UTRN: variants seen among roughly 807,000 people sequenced by gnomAD.
UTRN encodes utrophin.
In UTRN, 283 loss-of-function variants were observed where a neutral mutation model predicts 463.9. That is an observed-to-expected ratio of 0.61 (90% CI 0.55 to 0.67). UTRN has a LOEUF of 0.67. Among genes scored for constraint, UTRN ranks in the 30% least tolerant of loss-of-function variants. The pLI is 0.00. For missense variants in UTRN, 3,922 were observed against 4,084.3 expected, an observed-to-expected ratio of 0.96 and a Z score of 1.08; for synonymous variants, 1,442 against 1,431.5, an observed-to-expected ratio of 1.01 and a Z score of -0.17.
At chr6:144,836,049 A>C (rs531367790) in intron 70 of UTRN, 111 bp downstream of exon 70, 3 of 1,497,210 alleles carry the variant, frequency 2.0e-6, no homozygotes, top group African/African-American at 2.8e-5. Flanking sequence ...ATCTCAGTGG[A>C]GTGAAAATTT....
intron 51 of UTRN, among the ~76,000 whole-genome samples, chr6:144,614,238 C>T (rs963956140): frequency 6.6e-6 from 1 of 151,846 alleles, no homozygotes. Flanking sequence ...TGGTGGTAAA[C>T]AAGAATATAA....
chr6:144,697,937 C>G (rs752963900), intron 52 of UTRN, among the ~76,000 whole-genome samples: 2 of 152,090 alleles, frequency 1.3e-5, no homozygotes, highest in African/African-American at 4.8e-5. Flanking sequence ...AAACTACAGA[C>G]GTTGAAGATG....
At chr6:144,676,920 A>G (rs1781662994) in intron 51 of UTRN, among the ~76,000 whole-genome samples, 1 of 152,198 alleles carries the variant, frequency 6.6e-6, no homozygotes, top group African/African-American at 2.4e-5. Flanking sequence ...TACCTATGTG[A>G]AAACGGGAGA....
intron 51 of UTRN, among the ~76,000 whole-genome samples, chr6:144,659,612 G>A (rs545679344): frequency 3.8e-4 from 58 of 152,236 alleles, no homozygotes; most frequent in African/African-American, 1.3e-3. Flanking sequence ...AGTGAGAACC[G>A]GTGGCCTCTT....
intron 7 of UTRN, among the ~76,000 whole-genome samples, chr6:144,428,050 A>T (rs1036711836): frequency 6.6e-6 from 1 of 152,088 alleles, no homozygotes; most frequent in Non-Finnish European, 1.5e-5. Flanking sequence ...GAAGTGGGGG[A>T]AGTGCATCCC....
At chr6:144,525,839 A>C (rs985438300) in intron 41 of UTRN, among the ~76,000 whole-genome samples, 4 of 151,980 alleles carry the variant, frequency 2.6e-5, no homozygotes, top group Non-Finnish European at 5.9e-5. Context: ...CATTCCTCTT[A>C]GTACCGCTTT....
chr6:144,766,102 T>C (rs927654378), intron 58 of UTRN, among the ~76,000 whole-genome samples: 2 of 151,814 alleles, frequency 1.3e-5, no homozygotes, highest in Non-Finnish European at 2.9e-5. Context: ...CAGGGGCTTT[T>C]CCACACAGAC....
chr6:144,644,018 T>C (rs1467498366), intron 51 of UTRN, among the ~76,000 whole-genome samples: 1 of 152,170 alleles, frequency 6.6e-6, no homozygotes, highest in Non-Finnish European at 1.5e-5. Context: ...CTTCTTAATA[T>C]TGAATCACGT....
At chr6:144,302,074 A>C (rs889259267) in intron 2 of UTRN, among the ~76,000 whole-genome samples, 7 of 152,184 alleles carry the variant, frequency 4.6e-5, no homozygotes, top group Admixed American at 3.9e-4. Context: ...TGCTATCTGC[A>C]TGCCAGAATC....
chr6:144,810,426 G>A lies in UTRN; in HGVS notation c.9357+7279G>A, dbSNP rs187812742. Among the ~76,000 whole-genome samples, 8 of 152,218 alleles carry A rather than the reference G, an allele frequency of 5.3e-5. No homozygotes were observed. The East Asian group carries it at 1.5e-3, about 29-fold the overall frequency. ...GCTTCGGGATTGATTCAAGGAGATA[G>A]GTTGAAATACTAATTATGAACAAAA... On this transcript the variant is annotated intron_variant, in intron 65 of 74. Transcript: ENST00000367545.
intron 55 of UTRN, 71 bp downstream of exon 55, chr6:144,748,585 C>A (rs909212813): frequency 1.3e-6 from 2 of 1,534,634 alleles, no homozygotes; most frequent in Non-Finnish European, 1.7e-6. Flanking sequence ...ATAAAGAGAG[C>A]CACGTATATA....
At chr6:144,562,784 C>A in intron 50 of UTRN, among the ~76,000 whole-genome samples, 1 of 152,176 alleles carries the variant, frequency 6.6e-6, no homozygotes, top group Non-Finnish European at 1.5e-5. Flanking sequence ...GCCACACTGT[C>A]TTCCACAATG....
In UTRN at chr6:144,398,071, G is replaced by A. The variant is rs976348960; in HGVS notation, c.80-5052G>A. 49 of 242,742 alleles carry A rather than the reference G, an allele frequency of 2.0e-4. 2 individuals are homozygous for A. The highest frequency in any genetic ancestry group is 1.1e-3 in the Admixed American group (26 of 24,680). 15.0% of individuals were successfully genotyped at this position (242,742 alleles called of 1,614,324 possible). A position where few individuals can be genotyped will look rare whatever the true frequency, so the allele number is the denominator to read the frequency against. On this transcript the variant is annotated intron_variant, in intron 2 of 74. Transcript: ENST00000367545. The stretch of plus-strand genomic sequence containing the variant: ...GCATTTGTATTTCAATATGGCGTCC[G>A]TGCTCTGGAAAGGAATAATCTGGAA...
chr6:144,659,415 T>G (rs9390185), intron 51 of UTRN, among the ~76,000 whole-genome samples: 16,260 of 152,284 alleles, frequency 0.11, 1,153 homozygotes, highest in East Asian at 0.23. Context: ...TGCTCTCCCC[T>G]GCCACAAAGC....
intron 61 of UTRN, among the ~76,000 whole-genome samples, chr6:144,788,633 C>T (rs567459727): frequency 2.7e-5 from 4 of 150,478 alleles, no homozygotes; most frequent in South Asian, 2.1e-4. Context: ...GGCACGATCT[C>T]GGCTCACTGC....
At chr6:144,630,119 C>T (rs529435865) in intron 51 of UTRN, among the ~76,000 whole-genome samples, 7 of 152,170 alleles carry the variant, frequency 4.6e-5, no homozygotes, top group East Asian at 1.9e-4. Context: ...ACCCAGGAGG[C>T]GGAGCTTGCA....
chr6:144,748,447 G>A lies in UTRN; in HGVS notation c.8141G>A (p.Arg2714Gln), dbSNP rs141157215. 140 of 1,613,824 alleles carry A rather than the reference G, an allele frequency of 8.7e-5. 1 individual carries two copies. Among genetic ancestry groups the A allele is most frequent in the Non-Finnish European group, 9.8e-5 (116 of 1,179,930 alleles). Residue 2714 changes from arginine (R) to glutamine (Q), a missense_variant, in exon 55 of 75, where the codon CGG becomes CAG. Coordinates refer to ENST00000367545, the MANE Select transcript of UTRN (RefSeq NM_007124.3). Reference sequence around the variant, plus strand: ...GACATGAAGGAGGCAGAGTCCGTGCGGAATGGCTGGAAGCCCGTGGGAGAC... The same window carrying A: ...GACATGAAGGAGGCAGAGTCCGTGCAGAATGGCTGGAAGCCCGTGGGAGAC... The part of the protein sequence containing the change: ...DADMKEAESV[R>Q]NGWKPVGDLL...
At chr6:144,532,908 T>A (rs1797193833) in intron 42 of UTRN, among the ~76,000 whole-genome samples, 177 bp from the exon 43 acceptor site, 1 of 152,254 alleles carries the variant, frequency 6.6e-6, no homozygotes, top group Non-Finnish European at 1.5e-5. Context: ...TCATTTAGCA[T>A]GTTCATTGAA....
chr6:144,626,652 C>G (rs1253728295), intron 51 of UTRN, among the ~76,000 whole-genome samples: 2 of 151,984 alleles, frequency 1.3e-5, no homozygotes, highest in Non-Finnish European at 2.9e-5. Flanking sequence ...TTTCTTTTTT[C>G]TTTTGAGACG....
Sources: allele counts gnomAD v4.1 joint callset (sites outside exome capture counted in the v4.1 genomes callset), GRCh38; gene constraint gnomAD v4.1.1; transcripts MANE v1.5; gene names NCBI Gene and HGNC (gene_info 2026-07-23, HGNC 2026-07-21).